NRG3: variants seen among roughly 807,000 people sequenced by gnomAD.
NRG3 encodes the protein pro-neuregulin-3, membrane-bound isoform.
NRG3 carries 31 observed loss-of-function variants against 66.9 expected under a neutral mutation model. The ratio of observed to expected loss-of-function variants is 0.46; its 90% CI spans 0.35 to 0.63. The LOEUF is 0.63. NRG3 is among the 20% of genes least tolerant of loss of function. NRG3 has a pLI of 0.00. For missense variants in NRG3, 910 were observed against 878.9 expected, an observed-to-expected ratio of 1.04 and a Z score of -0.45; for synonymous variants, 393 against 359.4, an observed-to-expected ratio of 1.09 and a Z score of -1.06.
chr10:82,164,893 A>G (rs1198739127), intron 1 of NRG3, among the ~76,000 whole-genome samples: 3 of 152,130 alleles, frequency 2.0e-5, no homozygotes, highest in Admixed American at 2.0e-4. Flanking sequence ...GTAAAGGAGA[A>G]GTTATAGGAG....
At chr10:82,858,094 C>T (rs2063909193) in intron 3 of NRG3, among the ~76,000 whole-genome samples, 1 of 152,184 alleles carries the variant, frequency 6.6e-6, no homozygotes, top group Non-Finnish European at 1.5e-5. Flanking sequence ...CTTCCTGCTG[C>T]CATATTCTCT....
At chr10:82,743,030 G>T (rs2058494162) in intron 3 of NRG3, among the ~76,000 whole-genome samples, 1 of 152,090 alleles carries the variant, frequency 6.6e-6, no homozygotes, top group South Asian at 2.1e-4. Context: ...GAATGCAGTG[G>T]GGTAGAGAAG....
chr10:81,969,632 C>T (rs1482534583), intron 1 of NRG3, among the ~76,000 whole-genome samples: 1 of 152,216 alleles, frequency 6.6e-6, no homozygotes, highest in African/African-American at 2.4e-5. Context: ...TTTCCCGTCA[C>T]CAGTTCACCT....
intron 1 of NRG3, among the ~76,000 whole-genome samples, chr10:82,254,415 A>G (rs552643290): frequency 6.6e-6 from 1 of 152,300 alleles, no homozygotes; most frequent in African/African-American, 2.4e-5. Context: ...TAATGGGTGG[A>G]ATCCACACTT....
intron 1 of NRG3, among the ~76,000 whole-genome samples, chr10:82,211,239 T>A (rs1159041562): frequency 6.6e-6 from 1 of 152,166 alleles, no homozygotes. Flanking sequence ...TGAGGAAAAG[T>A]CGCTGACTGC....
intron 1 of NRG3, among the ~76,000 whole-genome samples, chr10:82,102,063 T>C (rs1262954852): frequency 1.4e-5 from 2 of 140,268 alleles, no homozygotes; most frequent in Admixed American, 1.4e-4. Context: ...TGTGTGTATA[T>C]ATGTGTGTAT....
chr10:82,650,417 A>G (rs2051321061), intron 2 of NRG3, among the ~76,000 whole-genome samples: 1 of 152,122 alleles, frequency 6.6e-6, no homozygotes. Context: ...GCATCTCACT[A>G]AGAAGGAAAC....
intron 2 of NRG3, among the ~76,000 whole-genome samples, chr10:82,682,751 G>C (rs968885177): frequency 6.6e-6 from 1 of 151,862 alleles, no homozygotes; most frequent in Non-Finnish European, 1.5e-5. Context: ...TTGTGTATTG[G>C]TGTACTGTTT....
chr10:82,752,340 TCAATG>T (rs1219189394), intron 3 of NRG3, among the ~76,000 whole-genome samples: 1 of 152,154 alleles, frequency 6.6e-6, no homozygotes, highest in African/African-American at 2.4e-5. Context: ...TGATAGGCAA[TCAATG>T]CCGTTAATTC....
At chr10:82,423,573 A>C (rs979439756) in intron 2 of NRG3, among the ~76,000 whole-genome samples, 6 of 151,956 alleles carry the variant, frequency 3.9e-5, no homozygotes, top group African/African-American at 7.2e-5. Context: ...GGAGGGAAAC[A>C]CAAGGAAACA....
intron 1 of NRG3, among the ~76,000 whole-genome samples, chr10:82,167,609 C>A (rs2072191468): frequency 1.3e-5 from 2 of 152,004 alleles, no homozygotes; most frequent in African/African-American, 4.8e-5. Context: ...AGAGAACTCC[C>A]AATTTCATAA....
intron 2 of NRG3, among the ~76,000 whole-genome samples, chr10:82,664,041 T>C (rs1234041548): frequency 6.6e-6 from 1 of 152,170 alleles, no homozygotes; most frequent in East Asian, 1.9e-4. Context: ...TTTCATGTGG[T>C]GGGAGTAAGA....
intron 1 of NRG3, among the ~76,000 whole-genome samples, chr10:81,910,627 T>C (rs10883899): frequency 0.075 from 11,388 of 152,174 alleles, 589 homozygotes; most frequent in South Asian, 0.19. Context: ...AGGAGCACAA[T>C]TATTTTGATA....
In NRG3 at chr10:82,132,479, G is replaced by GATATATATC. The variant is rs1590227753; in HGVS notation, c.824-226252_824-226251insCATATATAT. The stretch of plus-strand genomic sequence containing the variant: ...TATATGATATATATGATATATATAT[G>GATATATATC]ATATATATATATGATATATATATAT... On this transcript the variant is annotated intron_variant, in intron 1 of 8. Transcript: ENST00000372141. 3.7e-3 allele frequency among the ~76,000 whole-genome samples: 228 copies of GATATATATC among 62,446 alleles called. 13 individuals carry two copies. Among genetic ancestry groups the GATATATATC allele is most frequent in the African/African-American group, 0.013 (216 of 16,950 alleles). The allele number at this position is 62,446 out of a possible 152,430, so 41.0% of individuals were successfully genotyped here.
At chr10:82,508,020 C>A (rs569883279) in intron 2 of NRG3, among the ~76,000 whole-genome samples, 1 of 152,288 alleles carries the variant, frequency 6.6e-6, no homozygotes, top group South Asian at 2.1e-4. Context: ...GGTTATTTTG[C>A]ACCAATTAAA....
At chr10:82,457,782 C>T (rs984923048) in intron 2 of NRG3, among the ~76,000 whole-genome samples, 3 of 152,132 alleles carry the variant, frequency 2.0e-5, no homozygotes, top group East Asian at 1.9e-4. Context: ...TGAAGGTTAC[C>T]GCTGCCTTGT....
intron 2 of NRG3, among the ~76,000 whole-genome samples, chr10:82,721,120 AC>A (rs2057290380): frequency 1.1e-5 from 1 of 88,824 alleles, no homozygotes; most frequent in African/African-American, 4.3e-5. Flanking sequence ...ACAGAGTTTC[AC>A]CCTTTTTTTT....
At chr10:82,836,951 T>C (rs1305568454) in intron 3 of NRG3, among the ~76,000 whole-genome samples, 2 of 152,118 alleles carry the variant, frequency 1.3e-5, no homozygotes, top group Admixed American at 6.6e-5. Flanking sequence ...GTCCATGTGT[T>C]CTCATTGTTC....
intron 3 of NRG3, among the ~76,000 whole-genome samples, chr10:82,753,777 T>C (rs547374579): frequency 1.2e-4 from 18 of 152,000 alleles, no homozygotes; most frequent in African/African-American, 4.1e-4. Context: ...TGAAACCCCG[T>C]CTTTACTAAA....
Sources: gnomAD v4.1 joint callset for allele counts (sites outside exome capture counted in the v4.1 genomes callset) on GRCh38, gnomAD v4.1.1 for gene constraint, MANE v1.5 for transcripts, NCBI Gene and HGNC (gene_info 2026-07-23, HGNC 2026-07-21) for gene names.